Variants in CDH13 observed in about 807,000 individuals in gnomAD.
CDH13 encodes the protein cadherin-13.
Under a neutral mutation model 63.8 loss-of-function variants are expected in CDH13, and 24 were observed. The ratio of observed to expected loss-of-function variants is 0.38; its 90% CI spans 0.27 to 0.53. The LOEUF is 0.53. Among genes scored for constraint, CDH13 ranks in the 20% least tolerant of loss-of-function variants. CDH13 has a pLI of 0.85. For synonymous variants in CDH13, 503 were observed against 355.3 expected (o/e 1.42, Z -4.67); for missense variants, 1,049 against 903.1 (o/e 1.16, Z -2.07).
At chr16:83,387,139 A>G (rs996115233) in intron 6 of CDH13, among the ~76,000 whole-genome samples, 1 of 152,152 alleles carries the variant, frequency 6.6e-6, no homozygotes, top group African/African-American at 2.4e-5. Flanking sequence ...CCAAGTTACA[A>G]TGTCTGCCCC....
At chr16:83,718,094 A>G (rs575780737) in intron 10 of CDH13, among the ~76,000 whole-genome samples, 66 of 152,362 alleles carry the variant, frequency 4.3e-4, no homozygotes, top group African/African-American at 1.5e-3. Flanking sequence ...GACAAGGGTT[A>G]GGGTGAAAAT....
chr16:82,759,973 A>G (rs1358261281), intron 1 of CDH13, among the ~76,000 whole-genome samples: 1 of 152,218 alleles, frequency 6.6e-6, no homozygotes, highest in Non-Finnish European at 1.5e-5. Flanking sequence ...ATGTCTTCTC[A>G]AACACACCAG....
intron 5 of CDH13, among the ~76,000 whole-genome samples, chr16:83,227,168 A>G (rs2039865607): frequency 6.6e-6 from 1 of 152,244 alleles, no homozygotes; most frequent in Non-Finnish European, 1.5e-5. Context: ...CGATTGGGTC[A>G]GAACCCGGAT....
chr16:83,221,110 C>T (rs1205386101), intron 5 of CDH13, among the ~76,000 whole-genome samples: 1 of 152,206 alleles, frequency 6.6e-6, no homozygotes, highest in African/African-American at 2.4e-5. Context: ...AGCTCCAAAG[C>T]CCCACATTTT....
At chr16:83,271,703 C>T (rs1381234869) in intron 5 of CDH13, among the ~76,000 whole-genome samples, 2 of 151,890 alleles carry the variant, frequency 1.3e-5, no homozygotes, top group Non-Finnish European at 2.9e-5. Flanking sequence ...TTTATAGAAA[C>T]CTTTCTTTTA....
intron 7 of CDH13, among the ~76,000 whole-genome samples, chr16:83,515,004 A>G (rs2074668842): frequency 6.6e-6 from 1 of 152,112 alleles, no homozygotes; most frequent in South Asian, 2.1e-4. Context: ...ATCATGTCTT[A>G]CCCAGGTGCA....
chr16:82,768,846 C>T (rs1014681732), intron 1 of CDH13, among the ~76,000 whole-genome samples: 1 of 152,166 alleles, frequency 6.6e-6, no homozygotes. Context: ...AGATCAGAAG[C>T]AATTCTGTGT....
At chr16:82,798,996 C>G (rs1006734839) in intron 1 of CDH13, among the ~76,000 whole-genome samples, 1 of 152,134 alleles carries the variant, frequency 6.6e-6, no homozygotes, top group Non-Finnish European at 1.5e-5. Context: ...GGATTCCAAC[C>G]TGGGCAGTCT....
intron 5 of CDH13, among the ~76,000 whole-genome samples, chr16:83,288,345 C>G (rs2089376402): frequency 6.6e-6 from 1 of 152,096 alleles, no homozygotes; most frequent in Admixed American, 6.5e-5. Context: ...AATGGAAGAG[C>G]AAAGAGGTTA....
intron 6 of CDH13, among the ~76,000 whole-genome samples, chr16:83,414,549 G>T (rs2092172613): frequency 6.6e-6 from 1 of 152,082 alleles, no homozygotes; most frequent in African/African-American, 2.4e-5. Context: ...GAAACTTTAT[G>T]CCTGTTGATT....
chr16:83,059,783 TTTTTTGTTTG>T (rs1183731858), intron 3 of CDH13, among the ~76,000 whole-genome samples: 69 of 128,362 alleles, frequency 5.4e-4, no homozygotes, highest in African/African-American at 2.0e-3. Context: ...CTTTGTTTTT[TTTTTTGTTTG>T]TTTTTTTTTT....
At chr16:83,129,407 T>C (rs1004344269) in intron 4 of CDH13, among the ~76,000 whole-genome samples, 4 of 152,210 alleles carry the variant, frequency 2.6e-5, no homozygotes, top group African/African-American at 7.2e-5. Context: ...AGGCAGTTCA[T>C]TTCAGAGGTG....
chr16:83,136,486 C>CAAAAAA (rs542700844), intron 4 of CDH13, among the ~76,000 whole-genome samples: 7 of 61,448 alleles, frequency 1.1e-4, no homozygotes, highest in African/African-American at 2.2e-4. Flanking sequence ...ACTCTGTCTC[C>CAAAAAA]AAAAAAAAAA....
chr16:82,788,411 A>G (rs554930090), intron 1 of CDH13, among the ~76,000 whole-genome samples: 1 of 152,110 alleles, frequency 6.6e-6, no homozygotes, highest in East Asian at 1.9e-4. Context: ...GGTCCACGTG[A>G]CTCTTAACAG....
intron 4 of CDH13, among the ~76,000 whole-genome samples, chr16:83,206,665 A>T (rs1363637085): frequency 6.6e-6 from 1 of 152,264 alleles, no homozygotes; most frequent in East Asian, 1.9e-4. Context: ...TCCTAGGACC[A>T]CAGAGTCTAA....
chr16:83,665,174 A>C (rs78519568), intron 8 of CDH13, among the ~76,000 whole-genome samples: 1 of 89,754 alleles, frequency 1.1e-5, no homozygotes, highest in African/African-American at 6.2e-5. Context: ...ACATAACTGA[A>C]AAAAAAAAGC....
chr16:82,740,879 G>A (rs1350455986), intron 1 of CDH13, among the ~76,000 whole-genome samples: 2 of 152,104 alleles, frequency 1.3e-5, no homozygotes, highest in East Asian at 3.9e-4. Context: ...GAAAAATTGG[G>A]AAAAATAATA....
chr16:83,261,848 C>A (rs777312417), intron 5 of CDH13, among the ~76,000 whole-genome samples: 6 of 152,074 alleles, frequency 3.9e-5, no homozygotes, highest in African/African-American at 7.2e-5. Context: ...TCTCTTGTGC[C>A]TGCCTGCCAA....
At chr16:83,436,566 G>A (rs1158388275) in intron 6 of CDH13, among the ~76,000 whole-genome samples, 1 of 152,224 alleles carries the variant, frequency 6.6e-6, no homozygotes, top group Non-Finnish European at 1.5e-5. Context: ...AGCAGTATGA[G>A]GTTGTTAATC....
Sources: allele counts gnomAD v4.1 joint callset (sites outside exome capture counted in the v4.1 genomes callset), GRCh38; gene constraint gnomAD v4.1.1; transcripts MANE v1.5; gene names NCBI Gene and HGNC (gene_info 2026-07-23, HGNC 2026-07-21).